The following NBEAL1 variants were observed in gnomAD, a reference collection of about 807,000 sequenced individuals.
NBEAL1 encodes the protein neurobeachin-like protein 1.
In NBEAL1, 273 loss-of-function variants were observed where a neutral mutation model predicts 351.3. The observed-to-expected ratio is 0.78, with a 90% CI of 0.70 to 0.86. NBEAL1 has a LOEUF of 0.86. Among genes scored for constraint, NBEAL1 ranks in the 40% least tolerant of loss-of-function variants. NBEAL1 has a pLI of 0.00. For synonymous variants in NBEAL1, 1,050 were observed against 1,086.4 expected, an observed-to-expected ratio of 0.97 and a Z score of 0.66; for missense variants, 2,961 against 3,201.3, an observed-to-expected ratio of 0.92 and a Z score of 1.81.
intron 2 of NBEAL1, among the ~76,000 whole-genome samples, chr2:203,030,482 C>T (rs2060932930): frequency 6.6e-6 from 1 of 152,058 alleles, no homozygotes; most frequent in South Asian, 2.1e-4. Context: ...GAACAATTTA[C>T]AATAATAATA....
chr2:203,189,482 G>T (rs559756202), intron 45 of NBEAL1, among the ~76,000 whole-genome samples: 35 of 152,174 alleles, frequency 2.3e-4, no homozygotes, highest in South Asian at 6.2e-4. Flanking sequence ...AACTCCTGGG[G>T]TCAACCAGCC....
At chr2:203,018,447 A>AC (rs76833727) in intron 2 of NBEAL1, among the ~76,000 whole-genome samples, 88,291 of 151,540 alleles carry the variant, frequency 0.58, 26,973 homozygotes, top group Middle Eastern at 0.8. Flanking sequence ...AACAAGACTT[A>AC]CTCTTTGGGT....
intron 42 of NBEAL1, among the ~76,000 whole-genome samples, chr2:203,176,990 A>G (rs2064525441): frequency 6.6e-6 from 1 of 151,890 alleles, no homozygotes; most frequent in Non-Finnish European, 1.5e-5. Flanking sequence ...CATCTCTACA[A>G]AAAATAGAAA....
chr2:203,067,014 C>T (rs1234781052), intron 6 of NBEAL1, among the ~76,000 whole-genome samples: 26 of 138,242 alleles, frequency 1.9e-4, no homozygotes, highest in African/African-American at 5.2e-4. Context: ...ACGGGGCGGC[C>T]GGGCAGAGAC....
At chr2:203,019,626 C>T (rs1399545677) in intron 2 of NBEAL1, among the ~76,000 whole-genome samples, 1 of 152,158 alleles carries the variant, frequency 6.6e-6, no homozygotes, top group Non-Finnish European at 1.5e-5. Flanking sequence ...CAGTGCTAAC[C>T]TTGGCACAGA....
At chr2:203,053,496 TGTC>T (rs988014296) in intron 4 of NBEAL1, among the ~76,000 whole-genome samples, 6 of 152,172 alleles carry the variant, frequency 3.9e-5, no homozygotes, top group Non-Finnish European at 8.8e-5. Flanking sequence ...GGGTTTTTTT[TGTC>T]GTCGTCGTTG....
At chr2:203,207,401 C>T (rs1359340760) in intron 51 of NBEAL1, among the ~76,000 whole-genome samples, 3 of 152,156 alleles carry the variant, frequency 2.0e-5, no homozygotes, top group African/African-American at 7.2e-5. Context: ...ACCACCCCGT[C>T]TGGGAGGTGT....
intron 10 of NBEAL1, among the ~76,000 whole-genome samples, chr2:203,092,855 A>G (rs990694465): frequency 6.6e-6 from 1 of 152,222 alleles, no homozygotes; most frequent in South Asian, 2.1e-4. Flanking sequence ...TAGCATCAAA[A>G]TCAAATAGTA....
chr2:203,169,547 C>T (rs1407452437), intron 38 of NBEAL1, among the ~76,000 whole-genome samples, 200 bp from the exon 39 acceptor site: 1 of 151,686 alleles, frequency 6.6e-6, no homozygotes, highest in Non-Finnish European at 1.5e-5. Context: ...ACAAAAAATA[C>T]AAAAAAATTA....
At chr2:203,022,394 A>G (rs560158580) in intron 2 of NBEAL1, among the ~76,000 whole-genome samples, 1 of 152,100 alleles carries the variant, frequency 6.6e-6, no homozygotes, top group Admixed American at 6.5e-5. Context: ...TTTTTATTTT[A>G]TTTTATTTTA....
intron 2 of NBEAL1, among the ~76,000 whole-genome samples, chr2:203,018,915 T>C (rs546222916): frequency 6.6e-6 from 1 of 152,340 alleles, no homozygotes; most frequent in East Asian, 1.9e-4. Context: ...ATGTTCTTAC[T>C]TTCCTCCTAG....
chr2:203,084,442 AT>A lies in NBEAL1; in HGVS notation c.992-17del. ...CCAAATTTTCATTTTTACATGGATG[AT>A]TTTCTTTTTATTTTCCTAGATACCA... On this transcript the variant is annotated intron_variant, in intron 9 of 55. Transcript: ENST00000683969. The A allele has an allele frequency of 7.8e-7, 1 of 1,284,074 alleles. No individual in the cohort carries two copies. 79.5% of individuals were successfully genotyped at this position (1,284,074 alleles called of 1,614,324 possible).
chr2:203,124,772 C>T (rs1278633579), intron 19 of NBEAL1, among the ~76,000 whole-genome samples: 1 of 152,096 alleles, frequency 6.6e-6, no homozygotes, highest in Non-Finnish European at 1.5e-5. Context: ...CCTTGCAATA[C>T]TTTATGAAGT....
chr2:203,028,293 A>G (rs2060893452), intron 2 of NBEAL1, among the ~76,000 whole-genome samples: 1 of 151,894 alleles, frequency 6.6e-6, no homozygotes, highest in Non-Finnish European at 1.5e-5. Context: ...GTGGAATTAT[A>G]GGTGTGAGCC....
intron 8 of NBEAL1, among the ~76,000 whole-genome samples, chr2:203,080,131 C>T (rs893343746): frequency 6.6e-6 from 1 of 151,960 alleles, no homozygotes; most frequent in Non-Finnish European, 1.5e-5. Context: ...GTTTCCTGGC[C>T]GGGCATGGTG....
At chr2:203,099,579 A>C (rs2062264189) in intron 11 of NBEAL1, 50 bp from the exon 12 acceptor site, 3 of 1,254,934 alleles carry the variant, frequency 2.4e-6, no homozygotes, top group South Asian at 1.4e-5. Flanking sequence ...AACTCAATAA[A>C]AATCGTGAGC....
intron 35 of NBEAL1, among the ~76,000 whole-genome samples, chr2:203,155,520 T>C (rs533634639): frequency 1.5e-3 from 224 of 152,244 alleles, no homozygotes; most frequent in African/African-American, 5.2e-3. Flanking sequence ...CATTGCAGCC[T>C]TGAGCTCCTG....
intron 37 of NBEAL1, among the ~76,000 whole-genome samples, chr2:203,166,746 G>A (rs1052485694): frequency 9.9e-5 from 15 of 151,668 alleles, no homozygotes; most frequent in Admixed American, 7.2e-4. Context: ...GTAGAGACAG[G>A]GTTTCTTCAT....
chr2:203,160,172 C>T (rs1303664628), intron 36 of NBEAL1, among the ~76,000 whole-genome samples: 1 of 151,202 alleles, frequency 6.6e-6, no homozygotes, highest in Non-Finnish European at 1.5e-5. Flanking sequence ...CTCTACCTCC[C>T]AGGTTCAAGC....
Sources: allele counts gnomAD v4.1 joint callset (sites outside exome capture counted in the v4.1 genomes callset), GRCh38; gene constraint gnomAD v4.1.1; transcripts MANE v1.5; gene names NCBI Gene and HGNC (gene_info 2026-07-23, HGNC 2026-07-21).